The following ENOX1 variants were observed in gnomAD, a reference collection of about 807,000 sequenced individuals.
ENOX1 encodes ecto-NOX disulfide-thiol exchanger 1.
Under a neutral mutation model 82.5 loss-of-function variants are expected in ENOX1, and 42 were observed. The ratio of observed to expected loss-of-function variants is 0.51; its 90% CI spans 0.40 to 0.66. ENOX1 has a LOEUF of 0.66. ENOX1 is among the 30% of genes least tolerant of loss of function. The pLI, the probability that ENOX1 is intolerant of heterozygous loss-of-function variation, is 0.00. For missense variants in ENOX1, 608 were observed against 811.6 expected, an observed-to-expected ratio of 0.75 and a Z score of 3.05; for synonymous variants, 271 against 282.2, an observed-to-expected ratio of 0.96 and a Z score of 0.40.
intron 2 of ENOX1, among the ~76,000 whole-genome samples, chr13:43,585,467 T>A (rs1433093097): frequency 6.6e-6 from 1 of 152,244 alleles, no homozygotes; most frequent in Admixed American, 6.5e-5. Context: ...TCTTGGTCTA[T>A]AGCACCACCT....
At chr13:43,360,087 A>C (rs763627297) in intron 6 of ENOX1, 30 bp from the exon 7 acceptor site, 1 of 1,600,540 alleles carries the variant, frequency 6.2e-7, no homozygotes, top group South Asian at 1.1e-5. Context: ...AGAAAGTTTT[A>C]TCTTTCATTT....
chr13:43,345,976 C>G (rs1431429746), intron 8 of ENOX1, among the ~76,000 whole-genome samples: 2 of 152,160 alleles, frequency 1.3e-5, no homozygotes, highest in African/African-American at 4.8e-5. Flanking sequence ...TACATACACT[C>G]CACATGAATA....
chr13:43,503,753 C>G (rs1295635514), intron 2 of ENOX1, among the ~76,000 whole-genome samples: 1 of 151,674 alleles, frequency 6.6e-6, no homozygotes, highest in Non-Finnish European at 1.5e-5. Flanking sequence ...CACAAATTTT[C>G]TAGAAGAAAA....
intron 5 of ENOX1, among the ~76,000 whole-genome samples, chr13:43,397,099 C>T (rs534087819): frequency 6.6e-6 from 1 of 152,340 alleles, no homozygotes; most frequent in Non-Finnish European, 1.5e-5. Context: ...TTCTGGTGCC[C>T]CTGCAGAATC....
chr13:43,579,529 A>T (rs1398312976), intron 2 of ENOX1, among the ~76,000 whole-genome samples: 2 of 152,200 alleles, frequency 1.3e-5, no homozygotes, highest in Non-Finnish European at 2.9e-5. Flanking sequence ...TTCACAAGGG[A>T]TTCAGTGTCT....
At chr13:43,483,985 A>G (rs1337175148) in intron 3 of ENOX1, 24 bp downstream of exon 3, 1 of 985,270 alleles carries the variant, frequency 1.0e-6, no homozygotes, top group Non-Finnish European at 1.2e-6. Flanking sequence ...CTTCAGTAAG[A>G]AAAATGAAAA....
intron 2 of ENOX1, among the ~76,000 whole-genome samples, chr13:43,521,954 T>G (rs78604839): frequency 6.6e-6 from 1 of 152,266 alleles, no homozygotes; most frequent in Non-Finnish European, 1.5e-5. Context: ...CTGCAGAAAC[T>G]GTATAGAATC....
chr13:43,409,773 T>C (rs2054012089), intron 5 of ENOX1, among the ~76,000 whole-genome samples: 1 of 152,076 alleles, frequency 6.6e-6, no homozygotes, highest in African/African-American at 2.4e-5. Context: ...TAATAGAAAA[T>C]GTTATATTCA....
intron 5 of ENOX1, among the ~76,000 whole-genome samples, chr13:43,395,586 T>G (rs1223276120): frequency 6.6e-6 from 1 of 152,216 alleles, no homozygotes; most frequent in Admixed American, 6.5e-5. Context: ...TCTCAAATCT[T>G]ATGATTTCCA....
intron 11 of ENOX1, among the ~76,000 whole-genome samples, chr13:43,317,932 G>C (rs2047603928): frequency 6.6e-6 from 1 of 151,904 alleles, no homozygotes; most frequent in Non-Finnish European, 1.5e-5. Context: ...GTGAACCCGG[G>C]AGGCAGAGCT....
At chr13:43,710,745 A>C (rs1234043449) in intron 1 of ENOX1, among the ~76,000 whole-genome samples, 1 of 152,216 alleles carries the variant, frequency 6.6e-6, no homozygotes, top group Non-Finnish European at 1.5e-5. Context: ...AAGTAGAAAA[A>C]TAATAACAAA....
intron 1 of ENOX1, among the ~76,000 whole-genome samples, chr13:43,783,832 A>C (rs1952415535): frequency 6.6e-6 from 1 of 152,198 alleles, no homozygotes; most frequent in South Asian, 2.1e-4. Flanking sequence ...TAAAACATTT[A>C]ATATTCCTTA....
At chr13:43,266,275 C>T (rs1165131518) in intron 13 of ENOX1, among the ~76,000 whole-genome samples, 1 of 152,060 alleles carries the variant, frequency 6.6e-6, no homozygotes, top group African/African-American at 2.4e-5. Flanking sequence ...ATACCTAATA[C>T]AAAGTATTCA....
chr13:43,751,999 A>G (rs1950348033), intron 1 of ENOX1, among the ~76,000 whole-genome samples: 2 of 152,218 alleles, frequency 1.3e-5, no homozygotes, highest in Admixed American at 1.3e-4. Context: ...TCCCACTAAC[A>G]GTGTGTGAAA....
chr13:43,298,812 T>C (rs2046415752), intron 11 of ENOX1, among the ~76,000 whole-genome samples: 1 of 152,192 alleles, frequency 6.6e-6, no homozygotes, highest in Non-Finnish European at 1.5e-5. Context: ...CCCTCAATGC[T>C]AGACACCCTC....
intron 2 of ENOX1, among the ~76,000 whole-genome samples, chr13:43,570,250 T>C (rs2080117848): frequency 6.6e-6 from 1 of 152,144 alleles, no homozygotes; most frequent in African/African-American, 2.4e-5. Context: ...ATTAGAGGGT[T>C]TGGGAAATCT....
chr13:43,348,027 TC>T (rs748283355), intron 8 of ENOX1, among the ~76,000 whole-genome samples: 2 of 152,160 alleles, frequency 1.3e-5, no homozygotes, highest in Non-Finnish European at 2.9e-5. Flanking sequence ...CATCCGTCCG[TC>T]CCCGCTTCCT....
intron 5 of ENOX1, among the ~76,000 whole-genome samples, chr13:43,397,911 G>A (rs1433518748): frequency 1.3e-5 from 2 of 152,202 alleles, no homozygotes; most frequent in Non-Finnish European, 2.9e-5. Context: ...AGAAGTCCAA[G>A]ACCAAGGCAC....
At chr13:43,292,518 C>A (rs1384666337) in intron 12 of ENOX1, among the ~76,000 whole-genome samples, 2 of 152,138 alleles carry the variant, frequency 1.3e-5, no homozygotes, top group African/African-American at 4.8e-5. Context: ...CTGCCTGCAG[C>A]CCTGCATTTG....
Sources: gnomAD v4.1 joint callset for allele counts (sites outside exome capture counted in the v4.1 genomes callset) on GRCh38, gnomAD v4.1.1 for gene constraint, MANE v1.5 for transcripts, NCBI Gene and HGNC (gene_info 2026-07-23, HGNC 2026-07-21) for gene names.